SPOCK1: variants seen among roughly 807,000 people sequenced by gnomAD.
SPOCK1 encodes the protein SPARC (osteonectin), cwcv and kazal like domains proteoglycan 1.
A neutral mutation model predicts 55.3 loss-of-function variants in SPOCK1; 23 were observed. That is an observed-to-expected ratio of 0.42 (90% CI 0.30 to 0.59). SPOCK1 has a LOEUF of 0.59. SPOCK1 is among the 20% of genes least tolerant of loss of function. SPOCK1 has a pLI of 0.22. For missense variants in SPOCK1, 499 were observed against 552.5 expected (o/e 0.90, Z 0.97); for synonymous variants, 226 against 221.0 (o/e 1.02, Z -0.20).
chr5:137,001,335 T>C (rs771764917), intron 6 of SPOCK1, among the ~76,000 whole-genome samples: 1 of 152,160 alleles, frequency 6.6e-6, no homozygotes, highest in Non-Finnish European at 1.5e-5. Context: ...GGAATCAAGG[T>C]CATGCATGTG....
chr5:137,066,295 C>T (rs1752503788), intron 6 of SPOCK1, among the ~76,000 whole-genome samples: 1 of 152,142 alleles, frequency 6.6e-6, no homozygotes, highest in African/African-American at 2.4e-5. Flanking sequence ...CCAGCCACCA[C>T]ACCTGACTGA....
intron 3 of SPOCK1, among the ~76,000 whole-genome samples, chr5:137,243,587 A>G (rs1756333081): frequency 6.6e-6 from 1 of 152,242 alleles, no homozygotes. Context: ...TGTTACCAAA[A>G]GACCCTAAAT....
chr5:136,987,250 TC>T (rs1216894334), intron 8 of SPOCK1, among the ~76,000 whole-genome samples: 1 of 152,056 alleles, frequency 6.6e-6, no homozygotes, highest in Non-Finnish European at 1.5e-5. Context: ...TTAAAATTTC[TC>T]CCTAACAAAA....
intron 2 of SPOCK1, among the ~76,000 whole-genome samples, chr5:137,335,602 C>T (rs1750248908): frequency 6.6e-6 from 1 of 152,232 alleles, no homozygotes; most frequent in African/African-American, 2.4e-5. Context: ...TGCAATTGAG[C>T]AGACACTTAA....
At chr5:137,405,148 A>G (rs1752070489) in intron 2 of SPOCK1, among the ~76,000 whole-genome samples, 1 of 152,250 alleles carries the variant, frequency 6.6e-6, no homozygotes, top group African/African-American at 2.4e-5. Flanking sequence ...TTACAAAGCA[A>G]TAGGTGCAGA....
chr5:137,214,034 T>C (rs573915789), intron 3 of SPOCK1, among the ~76,000 whole-genome samples: 86 of 152,342 alleles, frequency 5.6e-4, no homozygotes, highest in African/African-American at 2.1e-3. Context: ...GCAACGGCCT[T>C]TGTCATTATA....
At chr5:137,262,310 A>G (rs1365066137) in intron 3 of SPOCK1, among the ~76,000 whole-genome samples, 1 of 152,252 alleles carries the variant, frequency 6.6e-6, no homozygotes, top group Non-Finnish European at 1.5e-5. Context: ...GGTAATTGTT[A>G]CCAGCAAGTG....
intron 3 of SPOCK1, among the ~76,000 whole-genome samples, chr5:137,246,235 A>C (rs1756392719): frequency 6.6e-6 from 1 of 152,202 alleles, no homozygotes; most frequent in Non-Finnish European, 1.5e-5. Context: ...CAACATTTTT[A>C]ATTACCTCTG....
At chr5:137,260,510 A>G (rs1316005419) in intron 3 of SPOCK1, among the ~76,000 whole-genome samples, 1 of 152,258 alleles carries the variant, frequency 6.6e-6, no homozygotes, top group African/African-American at 2.4e-5. Flanking sequence ...ACATAAAAAC[A>G]TAAGGACATG....
intron 3 of SPOCK1, among the ~76,000 whole-genome samples, chr5:137,236,352 G>T (rs1756181055): frequency 6.6e-6 from 1 of 152,236 alleles, no homozygotes; most frequent in Non-Finnish European, 1.5e-5. Context: ...AGCCAATGGT[G>T]GTCAGTGAAT....
chr5:137,040,547 T>C (rs1254590439), intron 6 of SPOCK1, among the ~76,000 whole-genome samples: 6 of 152,214 alleles, frequency 3.9e-5, no homozygotes, highest in African/African-American at 1.2e-4. Context: ...CAATTTGCCA[T>C]ATGACAGACC....
At chr5:137,156,700 G>A (rs572404835) in intron 3 of SPOCK1, among the ~76,000 whole-genome samples, 4 of 152,246 alleles carry the variant, frequency 2.6e-5, no homozygotes, top group South Asian at 4.1e-4. Flanking sequence ...CAAGGAATCC[G>A]TACAGCAAAA....
At chr5:137,234,168 T>C (rs1414023213) in intron 3 of SPOCK1, among the ~76,000 whole-genome samples, 5 of 152,192 alleles carry the variant, frequency 3.3e-5, no homozygotes, top group South Asian at 2.1e-4. Flanking sequence ...AGGCCACTTA[T>C]TGTGGGGCCT....
At chr5:137,158,780 GT>G (rs1436646714) in intron 3 of SPOCK1, among the ~76,000 whole-genome samples, 1 of 152,074 alleles carries the variant, frequency 6.6e-6, no homozygotes, top group Non-Finnish European at 1.5e-5. Context: ...GAAAGGACAG[GT>G]TGGGGGTGTG....
At chr5:137,365,990 A>G (rs532441392) in intron 2 of SPOCK1, among the ~76,000 whole-genome samples, 1 of 152,294 alleles carries the variant, frequency 6.6e-6, no homozygotes, top group East Asian at 1.9e-4. Flanking sequence ...AATCCTCATG[A>G]ATTGCCCAAA....
chr5:137,055,710 C>T (rs548883453), intron 6 of SPOCK1, among the ~76,000 whole-genome samples: 4 of 152,306 alleles, frequency 2.6e-5, no homozygotes, highest in South Asian at 2.1e-4. Flanking sequence ...GGATGCTACA[C>T]CTCTGTCATC....
At chr5:137,228,296 G>GTGAATC (rs1403732186) in intron 3 of SPOCK1, among the ~76,000 whole-genome samples, 13 of 152,358 alleles carry the variant, frequency 8.5e-5, no homozygotes, top group Middle Eastern at 3.4e-3. Context: ...GAACACAGAA[G>GTGAATC]TGAATCACAA....
chr5:137,431,232 G>A (rs1228744979), intron 2 of SPOCK1, among the ~76,000 whole-genome samples: 6 of 152,184 alleles, frequency 3.9e-5, no homozygotes, highest in African/African-American at 7.2e-5. Context: ...GTGTAGGAGA[G>A]GTTTTCTGTT....
rs1750651741 is a variant in SPOCK1, at chr5:136,978,126, A to T, written c.*528T>A. The T allele has an allele frequency of 2.5e-6, 1 of 394,358 alleles. No homozygotes were observed. Among genetic ancestry groups the T allele is most frequent in the Non-Finnish European group, 4.5e-6 (1 of 223,694 alleles). The allele number at this position is 394,358 out of a possible 1,614,324, so 24.4% of individuals were successfully genotyped here. A position where few individuals can be genotyped will look rare whatever the true frequency, so the allele number is the denominator to read the frequency against. On this transcript the variant is annotated 3_prime_UTR_variant, in exon 11 of 11. Transcript: ENST00000394945. The stretch of plus-strand genomic sequence containing the variant: ...GAAGCCAGATATAATGATGTGAAAA[A>T]AACTAATTTTTAATAATAATCACCG...
Sources: gnomAD v4.1 joint callset for allele counts (sites outside exome capture counted in the v4.1 genomes callset) on GRCh38, gnomAD v4.1.1 for gene constraint, MANE v1.5 for transcripts, NCBI Gene and HGNC (gene_info 2026-07-23, HGNC 2026-07-21) for gene names.